TMEM108: variants seen among roughly 807,000 people sequenced by gnomAD.
The protein encoded by TMEM108 is cancer/testis antigen 124.
Under a neutral mutation model 35.1 loss-of-function variants are expected in TMEM108, and 12 were observed. That is an observed-to-expected ratio of 0.34 (90% CI 0.22 to 0.55). The LOEUF is 0.55. Ranked by LOEUF, TMEM108 falls within the 20% of genes least tolerant of loss-of-function variation. The pLI, the probability that TMEM108 is intolerant of heterozygous loss-of-function variation, is 0.89. For synonymous variants in TMEM108, 287 were observed against 308.6 expected (o/e 0.93, Z 0.73); for missense variants, 680 against 753.3 (o/e 0.90, Z 1.14).
Position 133,385,229 on chromosome 3 carries a change from C to T in TMEM108, c.1450+4068C>T, listed in dbSNP as rs142645987. On this transcript the variant is annotated intron_variant, in intron 4 of 5. Coordinates refer to ENST00000321871, the MANE Select transcript of TMEM108 (RefSeq NM_023943.4). Reference sequence around the variant, plus strand: ...ATCAGAAGGCATTATGGCTGGGAAACATGTCTCCTTGGAGCTTACGGATCA... The same window carrying T: ...ATCAGAAGGCATTATGGCTGGGAAATATGTCTCCTTGGAGCTTACGGATCA... Among the ~76,000 whole-genome samples, 446 of 152,276 alleles carry T rather than the reference C, an allele frequency of 2.9e-3. 7 individuals carry two copies. Among genetic ancestry groups the T allele is most frequent in the African/African-American group, 0.01 (419 of 41,556 alleles).
At chr3:133,375,810 A>G (rs897952369) in intron 3 of TMEM108, among the ~76,000 whole-genome samples, 2 of 152,194 alleles carry the variant, frequency 1.3e-5, no homozygotes, top group Non-Finnish European at 2.9e-5. Context: ...TGTGTCCCCA[A>G]CCAGCAATGT....
intron 3 of TMEM108, among the ~76,000 whole-genome samples, chr3:133,308,175 G>A (rs1310173555): frequency 3.3e-5 from 5 of 152,098 alleles, no homozygotes; most frequent in South Asian, 2.1e-4. Flanking sequence ...TGTTATTGAC[G>A]TATAGGAATG....
chr3:133,260,003 A>G (rs977932030), intron 3 of TMEM108, among the ~76,000 whole-genome samples: 1 of 152,246 alleles, frequency 6.6e-6, no homozygotes, highest in African/African-American at 2.4e-5. Flanking sequence ...AACTGGTTTT[A>G]TAGGCACAAA....
At chr3:133,302,528 T>C (rs927362261) in intron 3 of TMEM108, among the ~76,000 whole-genome samples, 2 of 149,012 alleles carry the variant, frequency 1.3e-5, no homozygotes, top group African/African-American at 4.9e-5. Context: ...TTCACACCAT[T>C]CTCCTGCCTC....
intron 3 of TMEM108, among the ~76,000 whole-genome samples, chr3:133,325,756 A>T (rs2071324898): frequency 1.3e-5 from 2 of 150,362 alleles, no homozygotes; most frequent in Admixed American, 1.3e-4. Context: ...TAAAAAATAT[A>T]TAATTTTTAA....
chr3:133,338,970 A>G (rs988447560), intron 3 of TMEM108, among the ~76,000 whole-genome samples: 2 of 152,060 alleles, frequency 1.3e-5, no homozygotes, highest in East Asian at 3.8e-4. Context: ...CAAAAAATCA[A>G]AAGCAAGAAA....
At chr3:133,180,453 G>T (rs143044771) in intron 2 of TMEM108, among the ~76,000 whole-genome samples, 1,554 of 151,958 alleles carry the variant, frequency 0.01, 38 homozygotes, top group African/African-American at 0.035. Flanking sequence ...ATAATAAAGG[G>T]TTTTATTTTC....
intron 2 of TMEM108, among the ~76,000 whole-genome samples, chr3:133,083,179 C>CCCCCCCCCCCCCCCCCCCCCCCCCCCCT (rs1943836574): frequency 8.0e-6 from 1 of 124,716 alleles, no homozygotes; most frequent in Non-Finnish European, 1.8e-5. Context: ...AGCCCCCCCC[C>CCCCCCCCCCCCCCCCCCCCCCCCCCCCT]ACCCCCCGCC....
At chr3:133,106,175 GTTTTTTTTTTTTT>G (rs745343008) in intron 2 of TMEM108, among the ~76,000 whole-genome samples, 4 of 89,696 alleles carry the variant, frequency 4.5e-5, no homozygotes, top group Admixed American at 4.0e-4. Context: ...GAGGTTAAAG[GTTTTTTTTTTTTT>G]TTTTTTTTTT....
intron 3 of TMEM108, among the ~76,000 whole-genome samples, chr3:133,361,502 T>C (rs1004347940): frequency 6.6e-6 from 1 of 152,238 alleles, no homozygotes; most frequent in Non-Finnish European, 1.5e-5. Context: ...CATCTTAAAA[T>C]AATGACACCA....
intron 3 of TMEM108, among the ~76,000 whole-genome samples, chr3:133,348,840 T>TATAAAAC (rs1237436698): frequency 1.3e-5 from 2 of 152,062 alleles, no homozygotes; most frequent in African/African-American, 4.8e-5. Context: ...AAGATGAAAT[T>TATAAAAC]ATAAAACAAA....
At chr3:133,131,156 A>C (rs1252033932) in intron 2 of TMEM108, among the ~76,000 whole-genome samples, 2 of 152,152 alleles carry the variant, frequency 1.3e-5, no homozygotes, top group East Asian at 3.8e-4. Flanking sequence ...TAAAACTAAA[A>C]AGGGAAGGCA....
rs145086866 is a variant in TMEM108 at position 133,390,049 on chromosome 3, T to C, written c.1451-131T>C. The C allele has an allele frequency of 7.9e-4, 880 of 1,108,724 alleles. 12 individuals carry two copies. In the East Asian group the frequency reaches 0.02, roughly 25 times the overall value. The allele number at this position is 1,108,724 out of a possible 1,614,324, so 68.7% of individuals were successfully genotyped here. ...GGAATTAAGGCTCACTTTGTACAGT[T>C]CACCATGCCCTGCCCCTTTTCCCAC... On this transcript the variant is annotated intron_variant, in intron 4 of 5. Transcript: ENST00000321871.
intron 5 of TMEM108, among the ~76,000 whole-genome samples, chr3:133,395,508 C>T (rs1044673360): frequency 6.6e-6 from 1 of 152,210 alleles, no homozygotes; most frequent in African/African-American, 2.4e-5. Context: ...GTGAGCCATG[C>T]ACTGTATGTG....
intron 2 of TMEM108, among the ~76,000 whole-genome samples, chr3:133,219,415 A>G (rs1945955300): frequency 6.7e-6 from 1 of 149,896 alleles, no homozygotes; most frequent in Non-Finnish European, 1.5e-5. Context: ...TTTTATTTCT[A>G]TTTTGTTGAT....
intron 2 of TMEM108, among the ~76,000 whole-genome samples, chr3:133,138,221 G>A (rs6439386): frequency 1 from 151,604 of 152,292 alleles, 75,463 homozygotes; most frequent in East Asian, 1. Context: ...ACAGAAAGTG[G>A]GAGGATTGGT....
chr3:133,280,847 T>G (rs1388433272), intron 3 of TMEM108, among the ~76,000 whole-genome samples: 1 of 152,198 alleles, frequency 6.6e-6, no homozygotes, highest in Non-Finnish European at 1.5e-5. Flanking sequence ...TTTATCCACA[T>G]GGTTTCACAT....
At chr3:133,270,699 C>A (rs537444285) in intron 3 of TMEM108, among the ~76,000 whole-genome samples, 1 of 152,164 alleles carries the variant, frequency 6.6e-6, no homozygotes, top group South Asian at 2.1e-4. Flanking sequence ...TCAAATATGG[C>A]TGCAGCCTGG....
intron 3 of TMEM108, among the ~76,000 whole-genome samples, chr3:133,285,137 A>G (rs1946966372): frequency 6.6e-6 from 1 of 152,220 alleles, no homozygotes; most frequent in Non-Finnish European, 1.5e-5. Context: ...AATAAAATAA[A>G]TTATATCTGC....
Sources: gnomAD v4.1 joint callset for allele counts (sites outside exome capture counted in the v4.1 genomes callset) on GRCh38, gnomAD v4.1.1 for gene constraint, MANE v1.5 for transcripts, NCBI Gene and HGNC (gene_info 2026-07-23, HGNC 2026-07-21) for gene names.